FAAH2: variants seen among roughly 807,000 people sequenced by gnomAD.
FAAH2 encodes fatty acid amide hydrolase 2, also known as fatty-acid amide hydrolase 2.
In FAAH2, 60 loss-of-function variants were observed where a neutral mutation model predicts 36.9. That is an observed-to-expected ratio of 1.63 (90% CI 1.32 to 2.02). FAAH2 has a LOEUF of 2.02. Among genes scored for constraint, FAAH2 ranks in the 30% most tolerant of loss-of-function variants. FAAH2 has a pLI of 0.00. For synonymous variants in FAAH2, 214 were observed against 143.8 expected, an observed-to-expected ratio of 1.49 and a Z score of -3.49; for missense variants, 689 against 397.5, an observed-to-expected ratio of 1.73 and a Z score of -6.23.
intron 10 of FAAH2, among the ~76,000 whole-genome samples, chrX:57,477,883 T>C (rs1436960222): frequency 8.9e-6 from 1 of 112,189 alleles, no homozygotes; most frequent in Non-Finnish European, 1.9e-5. Flanking sequence ...TAATGCAGTC[T>C]ATCATTGTTG....
chrX:57,239,474 T>TTA, the FAAH2 span, among the ~76,000 whole-genome samples: 35,216 of 106,547 alleles, frequency 0.33, 5,136 homozygotes, highest in Middle Eastern at 0.6. Context: ...TGCAGCTCTT[T>TTA]TATATATATA....
At position 57,292,371 on chromosome X, in the gene FAAH2, A is replaced by G. The variant is rs759064912; in HGVS notation, c.193-127A>G. 2.3e-4 allele frequency: 128 copies of G among 556,483 alleles called. No homozygotes were observed. The African/African-American group carries it at 2.8e-3, about 12-fold the overall frequency. The allele number at this position is 556,483 out of a possible 1,213,427, so 45.9% of individuals were successfully genotyped here. ...TTCATATTTTGCCTCATGGGGGACT[A>G]CACTGTGTAATTCACTGAAAGTGTC... On this transcript the variant is annotated intron_variant, in intron 1 of 10. Transcript: ENST00000374900.
intron 7 of FAAH2, among the ~76,000 whole-genome samples, chrX:57,384,881 A>T (rs977399405): frequency 1.3e-4 from 15 of 111,294 alleles, no homozygotes; most frequent in Admixed American, 1.3e-3. Flanking sequence ...GAACCAACCC[A>T]AATGTCCAAC....
At chrX:57,282,460 G>A (rs1278638057), upstream of FAAH2, among the ~76,000 whole-genome samples, 1 of 111,545 alleles carries the variant, frequency 9.0e-6, no homozygotes, top group Non-Finnish European at 1.9e-5. Flanking sequence ...GTGGATATTA[G>A]ATCTTTGTTT....
At chrX:57,149,151 C>T in the FAAH2 span, among the ~76,000 whole-genome samples, 1 of 111,542 alleles carries the variant, frequency 9.0e-6, no homozygotes, top group Non-Finnish European at 1.9e-5. Context: ...CTGCTGGATT[C>T]GTTTTGCCAG....
intron 8 of FAAH2, among the ~76,000 whole-genome samples, chrX:57,437,540 T>C (rs1305531583): frequency 7.3e-5 from 8 of 109,338 alleles, no homozygotes; most frequent in African/African-American, 2.6e-4. Context: ...AGTTTCAGGA[T>C]ACAAAATACA....
chrX:57,288,662 C>A (rs1175500235), intron 1 of FAAH2, among the ~76,000 whole-genome samples: 1 of 110,734 alleles, frequency 9.0e-6, no homozygotes, highest in Non-Finnish European at 1.9e-5. Context: ...AAAAGCATTT[C>A]TTAACTTTTT....
intron 10 of FAAH2, among the ~76,000 whole-genome samples, chrX:57,476,898 G>C (rs1046084194): frequency 1.8e-5 from 2 of 109,615 alleles, no homozygotes; most frequent in Non-Finnish European, 3.8e-5. Flanking sequence ...GTCTATTCAG[G>C]GTTTCTAATT....
the FAAH2 span, among the ~76,000 whole-genome samples, chrX:57,139,676 G>A: frequency 1.8e-5 from 2 of 111,227 alleles, no homozygotes; most frequent in East Asian, 2.8e-4. Context: ...GGATGGTCTC[G>A]ATCTCCTGAC....
chrX:57,480,603 T>C (rs1048581621), intron 10 of FAAH2, among the ~76,000 whole-genome samples: 2 of 112,266 alleles, frequency 1.8e-5, no homozygotes, highest in Non-Finnish European at 3.8e-5. Flanking sequence ...TGCAGATTAA[T>C]CCATTATTGG....
chrX:57,256,995 A>G, the FAAH2 span, among the ~76,000 whole-genome samples: 2 of 112,277 alleles, frequency 1.8e-5, no homozygotes, highest in Non-Finnish European at 3.8e-5. Context: ...ATAATGAGAT[A>G]CCATCTCACA....
the FAAH2 span, among the ~76,000 whole-genome samples, chrX:57,160,953 G>C: frequency 8.9e-6 from 1 of 111,841 alleles, no homozygotes; most frequent in African/African-American, 3.2e-5. Context: ...TGTGATGTTA[G>C]GGTGTCAATT....
intron 2 of FAAH2, among the ~76,000 whole-genome samples, chrX:57,301,827 CTTCA>C (rs2052381165): frequency 9.0e-6 from 1 of 111,395 alleles, no homozygotes; most frequent in African/African-American, 3.3e-5. Flanking sequence ...ATCTTATTGT[CTTCA>C]GTGTGTAGAA....
intron 7 of FAAH2, among the ~76,000 whole-genome samples, chrX:57,382,889 G>T (rs945087423): frequency 9.0e-6 from 1 of 111,373 alleles, no homozygotes; most frequent in South Asian, 3.8e-4. Flanking sequence ...AGAATTTTAG[G>T]CCAATAACCC....
the FAAH2 span, among the ~76,000 whole-genome samples, chrX:57,207,737 C>A: frequency 8.9e-6 from 1 of 112,418 alleles, no homozygotes; most frequent in African/African-American, 3.2e-5. Flanking sequence ...ACTAGACCTG[C>A]CTAGAAGTAA....
chrX:57,189,783 C>A, the FAAH2 span, among the ~76,000 whole-genome samples: 22 of 111,707 alleles, frequency 2.0e-4, no homozygotes, highest in African/African-American at 7.1e-4. Context: ...GGGGCACCAG[C>A]CCGATGCCAG....
intron 2 of FAAH2, among the ~76,000 whole-genome samples, 163 bp from the exon 3 acceptor site, chrX:57,310,430 A>T (rs1446843275): frequency 8.9e-6 from 1 of 112,151 alleles, no homozygotes; most frequent in African/African-American, 3.2e-5. Flanking sequence ...GATTCCTAAA[A>T]GGAGAATCAC....
At chrX:57,447,425 G>A (rs901306810) in intron 9 of FAAH2, among the ~76,000 whole-genome samples, 2 of 111,824 alleles carry the variant, frequency 1.8e-5, no homozygotes, top group Admixed American at 9.4e-5. Flanking sequence ...CTCCAGTGGG[G>A]ACTCTGTGTG....
At chrX:57,294,499 C>A (rs1215502041) in intron 2 of FAAH2, among the ~76,000 whole-genome samples, 1 of 111,831 alleles carries the variant, frequency 8.9e-6, no homozygotes, top group Non-Finnish European at 1.9e-5. Flanking sequence ...CTACCTTCTT[C>A]CTTCTTTTCC....
Sources: gnomAD v4.1 joint callset for allele counts (sites outside exome capture counted in the v4.1 genomes callset) on GRCh38, gnomAD v4.1.1 for gene constraint, MANE v1.5 for transcripts, NCBI Gene and HGNC (gene_info 2026-07-23, HGNC 2026-07-21) for gene names.